The following WBP1L variants were observed in gnomAD, a reference collection of about 807,000 sequenced individuals.
WBP1L encodes the protein WW domain binding protein 1-like.
In WBP1L, 17 loss-of-function variants were observed where a neutral mutation model predicts 33.7. The observed-to-expected ratio is 0.50, with a 90% CI of 0.34 to 0.76. The LOEUF (loss-of-function observed/expected upper bound fraction) is 0.76, where lower values mean the gene tolerates loss of function less well. Among genes scored for constraint, WBP1L ranks in the 30% least tolerant of loss-of-function variants. The probability of loss-of-function intolerance (pLI) is 0.01; values close to 1 mark genes in which losing one functional copy is unlikely to be tolerated. For missense variants in WBP1L, 389 were observed against 469.4 expected (o/e 0.83, Z 1.58); for synonymous variants, 173 against 190.8 (o/e 0.91, Z 0.77).
chr10:102,772,292 G>C (rs1406467942), intron 1 of WBP1L, among the ~76,000 whole-genome samples: 29 of 109,456 alleles, frequency 2.6e-4, no homozygotes, highest in African/African-American at 1.0e-3. Flanking sequence ...AGACAGTCTC[G>C]CTCTGTCGCC....
intron 1 of WBP1L, among the ~76,000 whole-genome samples, chr10:102,763,489 G>A (rs1248554007): frequency 6.6e-6 from 1 of 152,178 alleles, no homozygotes; most frequent in Non-Finnish European, 1.5e-5. Context: ...GGAAGGCTCA[G>A]AGAGATTAAG....
intron 1 of WBP1L, among the ~76,000 whole-genome samples, chr10:102,754,628 C>T (rs1048795709): frequency 2.0e-5 from 3 of 152,014 alleles, no homozygotes; most frequent in South Asian, 2.1e-4. Context: ...GAACTCCTGA[C>T]GTAATCCACC....
At chr10:102,760,352 GTTTCTTTC>G (rs199961327) in intron 1 of WBP1L, among the ~76,000 whole-genome samples, 6 of 139,472 alleles carry the variant, frequency 4.3e-5, no homozygotes, top group Non-Finnish European at 7.6e-5. Flanking sequence ...AGCCTTCCTT[GTTTCTTTC>G]TTTCTTTCTT....
At chr10:102,796,682 A>T (rs1843577624) in intron 1 of WBP1L, among the ~76,000 whole-genome samples, 1 of 152,120 alleles carries the variant, frequency 6.6e-6, no homozygotes, top group African/African-American at 2.4e-5. Flanking sequence ...CTTCTTGGGG[A>T]TAAGGACAAT....
intron 2 of WBP1L, among the ~76,000 whole-genome samples, chr10:102,808,860 G>A (rs1346307529): frequency 7.4e-6 from 1 of 134,806 alleles, no homozygotes; most frequent in East Asian, 2.1e-4. Flanking sequence ...GAGTTGCGGG[G>A]GAGGGGAGAT....
At chr10:102,808,031 A>G (rs779133776) in intron 2 of WBP1L, among the ~76,000 whole-genome samples, 3 of 151,878 alleles carry the variant, frequency 2.0e-5, no homozygotes, top group Non-Finnish European at 4.4e-5. Flanking sequence ...CACAGGGAGA[A>G]AGCCAGGCAT....
At chr10:102,807,608 G>A (rs1367216839) in intron 2 of WBP1L, among the ~76,000 whole-genome samples, 1 of 152,006 alleles carries the variant, frequency 6.6e-6, no homozygotes. Flanking sequence ...TCTTGATGTC[G>A]TGATCCGCCC....
intron 2 of WBP1L, among the ~76,000 whole-genome samples, chr10:102,799,257 C>A (rs982715136): frequency 2.0e-5 from 3 of 151,652 alleles, no homozygotes; most frequent in African/African-American, 7.3e-5. Flanking sequence ...ACCCGGGAGG[C>A]GGAGGTTGCA....
At chr10:102,745,387 A>G (rs969337670) in intron 1 of WBP1L, among the ~76,000 whole-genome samples, 2 of 152,156 alleles carry the variant, frequency 1.3e-5, no homozygotes, top group African/African-American at 2.4e-5. Flanking sequence ...TGCAACTACC[A>G]CCTCTATCTA....
intron 1 of WBP1L, among the ~76,000 whole-genome samples, chr10:102,787,100 G>A (rs1459095021): frequency 6.6e-6 from 1 of 152,172 alleles, no homozygotes; most frequent in East Asian, 1.9e-4. Flanking sequence ...CAGCCAAACA[G>A]CATAAAAATC....
intron 1 of WBP1L, among the ~76,000 whole-genome samples, chr10:102,787,418 C>T (rs1329573031): frequency 6.6e-6 from 1 of 152,016 alleles, no homozygotes; most frequent in Admixed American, 6.6e-5. Context: ...GAGATCCTGT[C>T]TCTACAACCA....
chr10:102,756,670 G>A (rs1242038824), intron 1 of WBP1L, among the ~76,000 whole-genome samples: 1 of 152,112 alleles, frequency 6.6e-6, no homozygotes, highest in African/African-American at 2.4e-5. Flanking sequence ...ATTCCTAAAA[G>A]TGGAACTGAG....
At chr10:102,755,194 G>A (rs763202953) in intron 1 of WBP1L, among the ~76,000 whole-genome samples, 2 of 151,742 alleles carry the variant, frequency 1.3e-5, no homozygotes, top group African/African-American at 2.4e-5. Flanking sequence ...TGATCCACCC[G>A]CCTCAGCTTC....
chr10:102,752,705 C>G (rs1842937149), intron 1 of WBP1L, among the ~76,000 whole-genome samples: 1 of 152,162 alleles, frequency 6.6e-6, no homozygotes, highest in African/African-American at 2.4e-5. Context: ...TTTTTCCTTT[C>G]CCCATTCCAA....
chr10:102,745,318 A>G (rs1211872841), intron 1 of WBP1L, among the ~76,000 whole-genome samples: 1 of 152,230 alleles, frequency 6.6e-6, no homozygotes, highest in African/African-American at 2.4e-5. Flanking sequence ...TGAAATTCAC[A>G]TGACAAAAAC....
Position 102,815,710 on chromosome 10 carries a change from C to T in WBP1L, c.*2379C>T, listed in dbSNP as rs779804333. Reference sequence around the variant, plus strand: ...CTCACTGAAGTGTCTCAAAGGCGAACAAGTTTTACCAAAATGAATCCTTTT... The same window carrying T: ...CTCACTGAAGTGTCTCAAAGGCGAATAAGTTTTACCAAAATGAATCCTTTT... On this transcript the variant is annotated 3_prime_UTR_variant, in exon 4 of 4. Coordinates refer to ENST00000448841, the MANE Select transcript of WBP1L (RefSeq NM_001083913.2). The T allele has an allele frequency of 1.3e-5, 2 of 152,176 alleles. No homozygotes were observed. The highest frequency in any genetic ancestry group is 2.9e-5 in the Non-Finnish European group (2 of 68,034). 9.4% of individuals were successfully genotyped at this position (152,176 alleles called of 1,614,324 possible).
In WBP1L at chr10:102,797,869, G is replaced by C. The variant is rs1286843366; in HGVS notation, c.91-124G>C. On this transcript the variant is annotated intron_variant, in intron 1 of 3. Coordinates refer to ENST00000448841, the MANE Select transcript of WBP1L (RefSeq NM_001083913.2). Reference sequence around the variant, plus strand: ...CCTGGCCAAAGTTGATTTTCTTAATGGAATAAACATTGATACAAACTGTTT... The same window carrying C: ...CCTGGCCAAAGTTGATTTTCTTAATCGAATAAACATTGATACAAACTGTTT... 8 of 886,756 alleles carry C rather than the reference G, an allele frequency of 9.0e-6. No individual in the cohort carries two copies. The East Asian group carries it at 2.2e-4, about 24-fold the overall frequency. 54.9% of individuals were successfully genotyped at this position (886,756 alleles called of 1,614,324 possible). A position where few individuals can be genotyped will look rare whatever the true frequency, so the allele number is the denominator to read the frequency against.
chr10:102,776,276 G>C (rs778819873), intron 1 of WBP1L: 72 of 1,606,690 alleles, frequency 4.5e-5, no homozygotes, highest in Admixed American at 6.8e-5. Context: ...GCTAAAGAAG[G>C]CCGGTGAACC....
intron 3 of WBP1L, 102 bp downstream of exon 3, chr10:102,810,156 G>A: frequency 1.4e-6 from 2 of 1,456,010 alleles, no homozygotes; most frequent in Admixed American, 2.2e-5. Flanking sequence ...GGCATAGGGG[G>A]TTTGTCCTCT....
Sources: allele counts gnomAD v4.1 joint callset (sites outside exome capture counted in the v4.1 genomes callset), GRCh38; gene constraint gnomAD v4.1.1; transcripts MANE v1.5; gene names NCBI Gene and HGNC (gene_info 2026-07-23, HGNC 2026-07-21).